ZDHHC11: variants seen among roughly 807,000 people sequenced by gnomAD.
ZDHHC11 encodes the protein palmitoyltransferase ZDHHC11.
In ZDHHC11, 44 loss-of-function variants were observed where a neutral mutation model predicts 51.3. The observed-to-expected ratio is 0.86, with a 90% CI of 0.67 to 1.10. ZDHHC11 has a LOEUF of 1.10. Ranked by LOEUF, ZDHHC11 falls within the 50% of genes least tolerant of loss-of-function variation. The probability of loss-of-function intolerance (pLI) is 0.00; values close to 1 mark genes in which losing one functional copy is unlikely to be tolerated. For synonymous variants in ZDHHC11, 163 were observed against 222.0 expected, an observed-to-expected ratio of 0.73 and a Z score of 2.36; for missense variants, 400 against 537.7, an observed-to-expected ratio of 0.74 and a Z score of 2.53.
chr5:842,905 CTG>C (rs1446816637), intron 4 of ZDHHC11, among the ~76,000 whole-genome samples: 1 of 152,226 alleles, frequency 6.6e-6, no homozygotes, highest in Admixed American at 6.5e-5. Flanking sequence ...CACCTCCCCT[CTG>C]TGTCTCTCCT....
At chr5:835,774 A>G (rs537125766) in intron 6 of ZDHHC11, among the ~76,000 whole-genome samples, 2 of 151,924 alleles carry the variant, frequency 1.3e-5, no homozygotes, top group Non-Finnish European at 2.9e-5. Context: ...GACTTCTCTC[A>G]GTCATGGTGT....
intron 12 of ZDHHC11, among the ~76,000 whole-genome samples, chr5:799,894 TTCTCA>T (rs1738167327): frequency 6.6e-6 from 1 of 151,514 alleles, no homozygotes; most frequent in South Asian, 2.1e-4. Context: ...TGGATTTGTC[TTCTCA>T]TCTCAACTTG....
At chr5:824,972 G>A (rs1179306730) in intron 8 of ZDHHC11, among the ~76,000 whole-genome samples, 192 bp downstream of exon 8, 3 of 151,488 alleles carry the variant, frequency 2.0e-5, no homozygotes, top group African/African-American at 7.3e-5. Flanking sequence ...ACCCACAGCT[G>A]GGAAGCATTC....
At position 850,562 on chromosome 5, in the gene ZDHHC11, T is replaced by G. The variant is rs192629979; in HGVS notation, c.41A>C (p.Glu14Ala). ...CAGCTTTTCATTATTGAGTATGGCT[T>G]CTGGGGTGACGGAACACTGGCTCCC... ...RSGSQCSVTP[E>A]AILNNEKLVL... Residue 14 changes from glutamate (E) to alanine (A), a missense_variant, in exon 1 of 13, where the codon GAA becomes GCA. By Grantham distance (107) the Glu-to-Ala change is moderately radical. Coordinates refer to ENST00000283441, the MANE Select transcript of ZDHHC11 (RefSeq NM_024786.3). 612 of 1,613,520 alleles carry G rather than the reference T, an allele frequency of 3.8e-4. No individual in the cohort carries two copies. Among genetic ancestry groups the G allele is most frequent in the Non-Finnish European group, 4.9e-4 (584 of 1,180,002 alleles).
rs137882265 is a variant in ZDHHC11 at position 805,167 on chromosome 5, A to G, written c.1182-4003T>C. Among the ~76,000 whole-genome samples the G allele has an allele frequency of 7.2e-3, 1,090 of 151,668 alleles. 29 individuals are homozygous for G. Among genetic ancestry groups the G allele is most frequent in the Non-Finnish European group, 0.013 (852 of 67,778 alleles). On this transcript the variant is annotated intron_variant, in intron 11 of 12. Transcript: ENST00000283441. ...TTGAAACTAAGTTGGGGCTGACTGTAGTGGCTTACTCCTGTAATCCTAGCC... is the reference window on the plus strand; with the variant it reads ...TTGAAACTAAGTTGGGGCTGACTGTGGTGGCTTACTCCTGTAATCCTAGCC...
At chr5:798,375 AT>A (rs1561222284) in intron 12 of ZDHHC11, among the ~76,000 whole-genome samples, 1 of 151,390 alleles carries the variant, frequency 6.6e-6, no homozygotes, top group Non-Finnish European at 1.5e-5. Context: ...CTTTAAGAAT[AT>A]TTACACTCGC....
At chr5:848,769 A>T in intron 1 of ZDHHC11, 109 bp from the exon 2 acceptor site, 2 of 1,485,360 alleles carry the variant, frequency 1.3e-6, no homozygotes, top group South Asian at 2.6e-5. Flanking sequence ...AGCCCTGCTC[A>T]CCCAGCCCTG....
Position 809,286 on chromosome 5 carries a change from T to C in ZDHHC11, c.1181+5475A>G, listed in dbSNP as rs1337256308. Among the ~76,000 whole-genome samples, 81 of 140,150 alleles carry C rather than the reference T, an allele frequency of 5.8e-4. No homozygotes were observed. The East Asian group carries it at 0.015, about 25-fold the overall frequency. The allele number at this position is 140,150 out of a possible 152,430, so 91.9% of individuals were successfully genotyped here. A position where few individuals can be genotyped will look rare whatever the true frequency, so the allele number is the denominator to read the frequency against. ...CACACACGGCACTTCTGGGCCTTTG[T>C]TGCTGTTGGAGCAGCACCCTTCAGG... On this transcript the variant is annotated intron_variant, in intron 11 of 12. Transcript: ENST00000283441.
chr5:801,751 C>T (rs1298144953), intron 11 of ZDHHC11, among the ~76,000 whole-genome samples: 1 of 151,218 alleles, frequency 6.6e-6, no homozygotes, highest in Non-Finnish European at 1.5e-5. Flanking sequence ...ACTTGCAACG[C>T]TGAATGTGTC....
chr5:852,543 G>C (rs1233856292), upstream of ZDHHC11, among the ~76,000 whole-genome samples: 1 of 152,136 alleles, frequency 6.6e-6, no homozygotes, highest in East Asian at 1.9e-4. Flanking sequence ...ACAGAGGACA[G>C]TGAGCCAGGG....
At chr5:843,019 C>T (rs1369090258) in intron 4 of ZDHHC11, among the ~76,000 whole-genome samples, 9 of 152,278 alleles carry the variant, frequency 5.9e-5, no homozygotes, top group South Asian at 2.1e-4. Flanking sequence ...GCCCATTTCC[C>T]GAGGATGCTG....
rs1361473690 is a variant in ZDHHC11, at chr5:827,598, A to G, written c.936-2347T>C. Among the ~76,000 whole-genome samples, 37 of 151,358 alleles carry G rather than the reference A, an allele frequency of 2.4e-4. 1 individual carries two copies. Among genetic ancestry groups the G allele is most frequent in the African/African-American group, 8.3e-4 (34 of 41,126 alleles). ...AGGAACTATTCTGATACCAGACTCA[A>G]CAGACTTTAAAGCCACAACAGTTAA... On this transcript the variant is annotated intron_variant, in intron 7 of 12. Transcript: ENST00000283441.
rs373889116 is a variant in ZDHHC11, at chr5:801,081, G to C, written c.*7+19C>G. 1.9e-6 allele frequency: 3 copies of C among 1,609,214 alleles called. No homozygotes were observed. Among genetic ancestry groups the C allele is most frequent in the Admixed American group, 3.3e-5 (2 of 59,864 alleles). On this transcript the variant is annotated intron_variant, in intron 12 of 12. Coordinates refer to ENST00000283441, the MANE Select transcript of ZDHHC11 (RefSeq NM_024786.3). ...ACTTGGGTAGATTTCAACATGACCC[G>C]CACTGCCACGTATCTTACCTGAATC...
chr5:840,716 C>T, intron 4 of ZDHHC11, 66 bp from the exon 5 acceptor site: 2 of 1,605,484 alleles, frequency 1.2e-6, no homozygotes, highest in South Asian at 1.1e-5. Flanking sequence ...AGGTGGACGT[C>T]ACAGACCAGA....
rs1309555682 is a variant in ZDHHC11 at position 796,476 on chromosome 5, A to G, written c.*112T>C. The stretch of plus-strand genomic sequence containing the variant: ...TGGGCTCTGGTTCCTGGCCTGTAGC[A>G]TGGGTAGGAGCAGGAGGCTTTGCAA... On this transcript the variant is annotated 3_prime_UTR_variant, in exon 13 of 13. Coordinates refer to ENST00000283441, the MANE Select transcript of ZDHHC11 (RefSeq NM_024786.3). 1 of 148,480 alleles carries G rather than the reference A, an allele frequency of 6.7e-6. No homozygotes were observed. Among genetic ancestry groups the G allele is most frequent in the Non-Finnish European group, 1.5e-5 (1 of 66,842 alleles). The allele number at this position is 148,480 out of a possible 1,614,324, so 9.2% of individuals were successfully genotyped here. A position where few individuals can be genotyped will look rare whatever the true frequency, so the allele number is the denominator to read the frequency against.
At chr5:858,308 CCCT>C (rs1748567970) in intron 1 of ZDHHC11, among the ~76,000 whole-genome samples, 1 of 66,760 alleles carries the variant, frequency 1.5e-5, no homozygotes, top group Non-Finnish European at 2.8e-5. Flanking sequence ...CAGGTCCCAA[CCCT>C]GTCTTTATGA....
rs71593355 is a variant in ZDHHC11, at chr5:850,712, C to T, written c.-110G>A. The T allele has an allele frequency of 0.05, 67,539 of 1,358,568 alleles. 2,154 individuals are homozygous for T. The highest frequency in any genetic ancestry group is 0.056 in the Non-Finnish European group (55,862 of 989,562). The allele number at this position is 1,358,568 out of a possible 1,614,324, so 84.2% of individuals were successfully genotyped here. A position where few individuals can be genotyped will look rare whatever the true frequency, so the allele number is the denominator to read the frequency against. ...GGGAATGCAGCCGCCAGGACCAGCA[C>T]TGACAGCCAATGGCCCAGCACTGCC... On this transcript the variant is annotated 5_prime_UTR_variant, in exon 1 of 13. It adds an upstream start codon to the 5' untranslated region. Coordinates refer to ENST00000283441, the MANE Select transcript of ZDHHC11 (RefSeq NM_024786.3).
At chr5:844,070 G>A (rs137880056) in intron 3 of ZDHHC11, among the ~76,000 whole-genome samples, 25,988 of 146,514 alleles carry the variant, frequency 0.18, 3,762 homozygotes, top group African/African-American at 0.49. Flanking sequence ...TCTGGAGCCC[G>A]CAGGGTGGAG....
chr5:810,578 C>G (rs971511828), intron 11 of ZDHHC11, among the ~76,000 whole-genome samples: 1 of 151,314 alleles, frequency 6.6e-6, no homozygotes, highest in Non-Finnish European at 1.5e-5. Flanking sequence ...AGTCCCTGAT[C>G]GCTAGAAACA....
Sources: allele counts gnomAD v4.1 joint callset (sites outside exome capture counted in the v4.1 genomes callset), GRCh38; gene constraint gnomAD v4.1.1; transcripts MANE v1.5; gene names NCBI Gene and HGNC (gene_info 2026-07-23, HGNC 2026-07-21).